CPNE4: variants seen among roughly 807,000 people sequenced by gnomAD.
CPNE4 encodes copine-4.
Under a neutral mutation model 67.9 loss-of-function variants are expected in CPNE4, and 25 were observed. That is an observed-to-expected ratio of 0.37 (90% CI 0.27 to 0.51). CPNE4 has a LOEUF of 0.51. Ranked by LOEUF, CPNE4 falls within the 20% of genes least tolerant of loss-of-function variation. CPNE4 has a pLI of 0.93. For missense variants in CPNE4, 464 were observed against 690.8 expected (o/e 0.67, Z 3.68); for synonymous variants, 242 against 244.9 (o/e 0.99, Z 0.11).
intron 2 of CPNE4, among the ~76,000 whole-genome samples, chr3:131,745,574 A>C (rs779616849): frequency 6.6e-5 from 10 of 152,004 alleles, no homozygotes; most frequent in Non-Finnish European, 1.0e-4. Flanking sequence ...TCTGTGATTC[A>C]TTTTGGGTTA....
At chr3:131,594,288 T>C (rs1001614288) in intron 7 of CPNE4, among the ~76,000 whole-genome samples, 5 of 152,236 alleles carry the variant, frequency 3.3e-5, no homozygotes, top group Non-Finnish European at 2.9e-5. Context: ...TCACATTTCC[T>C]GATTTTAAAA....
intron 2 of CPNE4, among the ~76,000 whole-genome samples, chr3:131,852,648 C>T (rs2086282521): frequency 6.6e-6 from 1 of 151,580 alleles, no homozygotes; most frequent in African/African-American, 2.4e-5. Context: ...CAATAGTGTA[C>T]TGCATGTTTC....
chr3:131,945,707 C>T (rs185782624), intron 1 of CPNE4, among the ~76,000 whole-genome samples: 1 of 152,194 alleles, frequency 6.6e-6, no homozygotes, highest in Admixed American at 6.5e-5. Flanking sequence ...TAGTTATTTC[C>T]CCCAGATTAA....
At chr3:131,722,904 A>C (rs1396967370) in intron 3 of CPNE4, among the ~76,000 whole-genome samples, 1 of 152,218 alleles carries the variant, frequency 6.6e-6, no homozygotes. Context: ...TCTGAGTCTC[A>C]GGTTTCTCAC....
chr3:131,688,605 G>T (rs571617684), intron 5 of CPNE4, among the ~76,000 whole-genome samples: 1 of 152,152 alleles, frequency 6.6e-6, no homozygotes, highest in South Asian at 2.1e-4. Flanking sequence ...ATAGATTGTT[G>T]GTCCCTCAGG....
chr3:131,978,185 A>ATTT (rs1404566633), intron 1 of CPNE4, among the ~76,000 whole-genome samples: 1 of 59,738 alleles, frequency 1.7e-5, no homozygotes, highest in African/African-American at 1.1e-4. Flanking sequence ...AAATATATAT[A>ATTT]ATATATTTAT....
intron 2 of CPNE4, among the ~76,000 whole-genome samples, chr3:131,799,804 T>TA (rs1162050214): frequency 6.6e-6 from 1 of 152,122 alleles, no homozygotes; most frequent in African/African-American, 2.4e-5. Context: ...TGCCAGCAGT[T>TA]AGAGTTATTG....
chr3:131,972,992 T>C (rs1267025099), intron 1 of CPNE4, among the ~76,000 whole-genome samples: 1 of 152,236 alleles, frequency 6.6e-6, no homozygotes, highest in African/African-American at 2.4e-5. Context: ...TACAAAGGTC[T>C]ACAACTAGCT....
chr3:131,753,472 G>A (rs757255269), intron 2 of CPNE4, among the ~76,000 whole-genome samples: 3 of 152,058 alleles, frequency 2.0e-5, no homozygotes, highest in Non-Finnish European at 4.4e-5. Flanking sequence ...ATCTCATAAT[G>A]AAAGTCGACA....
chr3:131,774,099 C>T (rs539111473), intron 2 of CPNE4, among the ~76,000 whole-genome samples: 2 of 152,086 alleles, frequency 1.3e-5, no homozygotes, highest in South Asian at 2.1e-4. Context: ...ATTGCCTGTT[C>T]AATAGTCATT....
intron 2 of CPNE4, among the ~76,000 whole-genome samples, chr3:131,777,109 T>C (rs777889754): frequency 6.6e-6 from 1 of 152,154 alleles, no homozygotes; most frequent in Non-Finnish European, 1.5e-5. Context: ...TCATTCAAGA[T>C]GCAATCTAAA....
At chr3:131,614,842 A>C (rs1057316344) in intron 7 of CPNE4, among the ~76,000 whole-genome samples, 1 of 152,202 alleles carries the variant, frequency 6.6e-6, no homozygotes, top group African/African-American at 2.4e-5. Flanking sequence ...ACTTGTTCTT[A>C]ATGTCTTAAT....
chr3:131,568,931 A>C (rs1428311964), intron 10 of CPNE4, among the ~76,000 whole-genome samples: 2 of 151,918 alleles, frequency 1.3e-5, no homozygotes, highest in Non-Finnish European at 2.9e-5. Flanking sequence ...ATTCTTGGGG[A>C]GCTTTCTTTC....
chr3:131,972,439 C>G (rs1214136146), intron 1 of CPNE4, among the ~76,000 whole-genome samples: 1 of 152,176 alleles, frequency 6.6e-6, no homozygotes, highest in Non-Finnish European at 1.5e-5. Flanking sequence ...GATCTTTTGT[C>G]CCCTTTCAAA....
At chr3:131,806,021 A>G (rs1427431841) in intron 2 of CPNE4, among the ~76,000 whole-genome samples, 1 of 152,212 alleles carries the variant, frequency 6.6e-6, no homozygotes, top group Non-Finnish European at 1.5e-5. Flanking sequence ...TTTTACTTTT[A>G]TTAACATGCA....
At chr3:131,831,581 T>C (rs2085370082) in intron 2 of CPNE4, among the ~76,000 whole-genome samples, 1 of 152,180 alleles carries the variant, frequency 6.6e-6, no homozygotes, top group African/African-American at 2.4e-5. Flanking sequence ...CTTTCTCTTC[T>C]ATGTTGAAAA....
rs867279423 is a variant in CPNE4, at chr3:131,978,066, T to A, written c.-2+56501A>T. Among the ~76,000 whole-genome samples, 129 of 36,040 alleles carry A rather than the reference T, an allele frequency of 3.6e-3. 8 individuals carry two copies. Among genetic ancestry groups the A allele is most frequent in the Admixed American group, 0.012 (16 of 1,302 alleles). 23.6% of individuals were successfully genotyped at this position (36,040 alleles called of 152,430 possible). On this transcript the variant is annotated intron_variant, in intron 1 of 15. Coordinates refer to ENST00000429747, the MANE Select transcript of CPNE4 (RefSeq NM_130808.3). Reference sequence around the variant, plus strand: ...CATCATAGATATATATAAATATATATAAATATATATAAATATATATAAATA... The same window carrying A: ...CATCATAGATATATATAAATATATAAAAATATATATAAATATATATAAATA...
intron 2 of CPNE4, among the ~76,000 whole-genome samples, chr3:131,725,138 T>C (rs115813144): frequency 1.5e-3 from 227 of 152,270 alleles, no homozygotes; most frequent in African/African-American, 5.4e-3. Flanking sequence ...TAAAGGAAAA[T>C]AGTCTCTCAA....
chr3:131,925,305 G>A (rs1476643027), intron 1 of CPNE4, among the ~76,000 whole-genome samples: 7 of 152,020 alleles, frequency 4.6e-5, no homozygotes, highest in Non-Finnish European at 7.4e-5. Context: ...AGCCAGAGCC[G>A]CCCAGAGTCA....
Sources: gnomAD v4.1 joint callset for allele counts (sites outside exome capture counted in the v4.1 genomes callset) on GRCh38, gnomAD v4.1.1 for gene constraint, MANE v1.5 for transcripts, NCBI Gene and HGNC (gene_info 2026-07-23, HGNC 2026-07-21) for gene names.